Variants in NEGR1 observed in about 807,000 individuals in gnomAD.
NEGR1 encodes the protein IgLON family member 4.
NEGR1 carries 10 observed loss-of-function variants against 40.9 expected under a neutral mutation model. That is an observed-to-expected ratio of 0.24 (90% CI 0.15 to 0.42). The LOEUF (loss-of-function observed/expected upper bound fraction) is 0.42. NEGR1 is among the 10% of genes least tolerant of loss of function. NEGR1 has a pLI of 1.00. For synonymous variants in NEGR1, 185 were observed against 166.8 expected, an observed-to-expected ratio of 1.11 and a Z score of -0.84; for missense variants, 352 against 438.9, an observed-to-expected ratio of 0.80 and a Z score of 1.77.
chr1:71,628,499 T>C (rs1014732269), intron 4 of NEGR1, among the ~76,000 whole-genome samples: 1 of 151,998 alleles, frequency 6.6e-6, no homozygotes, highest in African/African-American at 2.4e-5. Context: ...CGTGCCATGG[T>C]GGTTTGCTGC....
chr1:71,860,336 C>T (rs1659908489), intron 2 of NEGR1, among the ~76,000 whole-genome samples: 1 of 151,930 alleles, frequency 6.6e-6, no homozygotes, highest in Non-Finnish European at 1.5e-5. Flanking sequence ...CACAGCAGAG[C>T]CATACTTTTT....
chr1:72,215,805 T>A (rs1653783274), intron 1 of NEGR1, among the ~76,000 whole-genome samples: 1 of 152,202 alleles, frequency 6.6e-6, no homozygotes, highest in South Asian at 2.1e-4. Context: ...GTGTGGTGAT[T>A]CCTCAAGGAT....
At chr1:71,973,239 A>C (rs1319181540) in intron 1 of NEGR1, among the ~76,000 whole-genome samples, 2 of 151,408 alleles carry the variant, frequency 1.3e-5, no homozygotes, top group Non-Finnish European at 2.9e-5. Context: ...TGGCGTGAAC[A>C]CGGGAGGCAG....
intron 4 of NEGR1, among the ~76,000 whole-genome samples, chr1:71,694,674 T>C (rs1217360623): frequency 1.3e-5 from 2 of 151,762 alleles, no homozygotes; most frequent in African/African-American, 4.8e-5. Flanking sequence ...ACGTGGAAGG[T>C]GTATTAGAGA....
chr1:71,750,095 G>A (rs1557638279), intron 3 of NEGR1, among the ~76,000 whole-genome samples: 1 of 150,808 alleles, frequency 6.6e-6, no homozygotes, highest in Non-Finnish European at 1.5e-5. Flanking sequence ...CCAGGTTCAC[G>A]CCATTCTCCT....
At chr1:71,994,499 GC>G (rs66535528) in intron 1 of NEGR1, among the ~76,000 whole-genome samples, 5,447 of 151,450 alleles carry the variant, frequency 0.036, 321 homozygotes, top group African/African-American at 0.13. Context: ...CCGCACTCCA[GC>G]CTGGGCGACA....
chr1:71,760,922 C>G (rs965209656), intron 3 of NEGR1, among the ~76,000 whole-genome samples: 3 of 152,162 alleles, frequency 2.0e-5, no homozygotes, highest in African/African-American at 7.2e-5. Flanking sequence ...ATAACACTTT[C>G]TGGTTTATAA....
intron 1 of NEGR1, among the ~76,000 whole-genome samples, chr1:72,078,584 G>A (rs890706364): frequency 1.3e-5 from 2 of 148,928 alleles, no homozygotes; most frequent in Admixed American, 6.7e-5. Context: ...AATTAAAAGT[G>A]ATATAAATAT....
At chr1:71,754,085 C>G (rs562565451) in intron 3 of NEGR1, among the ~76,000 whole-genome samples, 1 of 151,764 alleles carries the variant, frequency 6.6e-6, no homozygotes, top group African/African-American at 2.4e-5. Flanking sequence ...AGAGGAGACT[C>G]GAAGGTTTCC....
chr1:71,678,568 T>G (rs1033209092), intron 4 of NEGR1, among the ~76,000 whole-genome samples: 11 of 152,138 alleles, frequency 7.2e-5, no homozygotes, highest in African/African-American at 2.7e-4. Context: ...AAGTCTAGTT[T>G]AAATGGCTAC....
chr1:72,068,734 C>G (rs1647342892), intron 1 of NEGR1, among the ~76,000 whole-genome samples: 1 of 152,078 alleles, frequency 6.6e-6, no homozygotes, highest in Non-Finnish European at 1.5e-5. Context: ...TATGTAAATA[C>G]TTTACCTGAA....
At chr1:72,091,674 A>C (rs914597892) in intron 1 of NEGR1, among the ~76,000 whole-genome samples, 2 of 152,110 alleles carry the variant, frequency 1.3e-5, no homozygotes, top group Non-Finnish European at 2.9e-5. Context: ...GAAACTTTAC[A>C]GAGGGAGTTT....
intron 2 of NEGR1, among the ~76,000 whole-genome samples, chr1:71,808,691 T>C (rs1657869601): frequency 2.0e-5 from 3 of 152,156 alleles, no homozygotes; most frequent in Admixed American, 6.6e-5. Context: ...TAGGATTTGT[T>C]GCATAATATC....
At chr1:71,545,649 G>T (rs549981066) in intron 6 of NEGR1, among the ~76,000 whole-genome samples, 264 of 151,304 alleles carry the variant, frequency 1.7e-3, no homozygotes, top group Non-Finnish European at 1.6e-3. Flanking sequence ...GATTCATTGT[G>T]TGCCAAATCT....
At chr1:71,739,862 T>C (rs1168422651) in intron 3 of NEGR1, among the ~76,000 whole-genome samples, 1 of 152,202 alleles carries the variant, frequency 6.6e-6, no homozygotes, top group Non-Finnish European at 1.5e-5. Flanking sequence ...AAATATTTAA[T>C]AGCTTTTAAG....
intron 2 of NEGR1, among the ~76,000 whole-genome samples, chr1:71,872,198 G>A (rs1660298819): frequency 6.6e-6 from 1 of 152,146 alleles, no homozygotes. Context: ...CTTTGAAGAG[G>A]TGTTACATGC....
intron 2 of NEGR1, among the ~76,000 whole-genome samples, chr1:71,874,327 T>C (rs751332368): frequency 2.6e-5 from 4 of 152,160 alleles, no homozygotes; most frequent in African/African-American, 4.8e-5. Flanking sequence ...GAACACTGTA[T>C]TTAGGAGTAA....
intron 1 of NEGR1, among the ~76,000 whole-genome samples, chr1:72,153,449 C>T (rs1230180995): frequency 4.0e-5 from 6 of 151,612 alleles, no homozygotes; most frequent in South Asian, 4.1e-4. Context: ...AAGTTAAAAA[C>T]TAAAATTTGG....
intron 2 of NEGR1, among the ~76,000 whole-genome samples, chr1:71,932,135 G>A (rs1045061152): frequency 6.6e-6 from 1 of 152,124 alleles, no homozygotes; most frequent in East Asian, 1.9e-4. Flanking sequence ...GAAATGAAAT[G>A]TACTTGTGGA....
Sources: allele counts gnomAD v4.1 joint callset (sites outside exome capture counted in the v4.1 genomes callset), GRCh38; gene constraint gnomAD v4.1.1; transcripts MANE v1.5; gene names NCBI Gene and HGNC (gene_info 2026-07-23, HGNC 2026-07-21).